Variants in PDE10A observed in about 807,000 individuals in gnomAD.
The protein encoded by PDE10A is cAMP and cAMP-inhibited cGMP 3',5'-cyclic phosphodiesterase 10A.
PDE10A carries 39 observed loss-of-function variants against 97.7 expected under a neutral mutation model. The observed-to-expected ratio is 0.40, with a 90% CI of 0.31 to 0.52. PDE10A has a LOEUF of 0.52. Among genes scored for constraint, PDE10A ranks in the 20% least tolerant of loss-of-function variants. The pLI is 0.56. For missense variants in PDE10A, 731 were observed against 1,047.8 expected (o/e 0.70, Z 4.17); for synonymous variants, 371 against 376.8 (o/e 0.98, Z 0.18).
At chr6:165,837,658 G>GT (rs1455173660) in intron 1 of PDE10A, among the ~76,000 whole-genome samples, 12 of 129,732 alleles carry the variant, frequency 9.2e-5, no homozygotes, top group African/African-American at 3.2e-4. Context: ...TATCTCTCCT[G>GT]GTTTTTTTTT....
At chr6:165,858,905 T>C (rs1220141444) in intron 1 of PDE10A, among the ~76,000 whole-genome samples, 1 of 152,218 alleles carries the variant, frequency 6.6e-6, no homozygotes, top group East Asian at 1.9e-4. Context: ...ATCTTACTTT[T>C]AAATAAAGCA....
intron 11 of PDE10A, among the ~76,000 whole-genome samples, chr6:165,417,770 G>C (rs220745): frequency 0.24 from 36,179 of 152,044 alleles, 4,900 homozygotes; most frequent in African/African-American, 0.36. Context: ...CCCACGGTGA[G>C]GCACACCTTG....
chr6:165,663,938 A>C (rs1217156489), upstream of PDE10A, among the ~76,000 whole-genome samples: 1 of 152,210 alleles, frequency 6.6e-6, no homozygotes, highest in South Asian at 2.1e-4. Context: ...AGGAGCCGCC[A>C]GAAGTTTGGG....
intron 1 of PDE10A, among the ~76,000 whole-genome samples, chr6:165,743,749 G>A (rs535396129): frequency 2.0e-5 from 3 of 152,340 alleles, no homozygotes; most frequent in Non-Finnish European, 1.5e-5. Context: ...AGCTAATGAA[G>A]TGAAGACAGG....
chr6:165,742,980 G>C (rs1232182373), intron 1 of PDE10A, among the ~76,000 whole-genome samples: 1 of 152,202 alleles, frequency 6.6e-6, no homozygotes, highest in Non-Finnish European at 1.5e-5. Context: ...ATAGGAAAAA[G>C]AAAAAGCACT....
chr6:165,878,671 A>G (rs1055823523), intron 1 of PDE10A, among the ~76,000 whole-genome samples: 10 of 152,230 alleles, frequency 6.6e-5, no homozygotes, highest in African/African-American at 2.4e-4. Context: ...GGAGCTTCAC[A>G]GCAGAACAGG....
At chr6:165,688,019 G>A (rs1263044777) in intron 1 of PDE10A, among the ~76,000 whole-genome samples, 1 of 152,174 alleles carries the variant, frequency 6.6e-6, no homozygotes, top group Non-Finnish European at 1.5e-5. Flanking sequence ...ACTCCTACCC[G>A]AGGCCAGCAC....
intron 3 of PDE10A, among the ~76,000 whole-genome samples, chr6:165,470,169 A>T (rs1019788808): frequency 2.6e-5 from 4 of 152,122 alleles, no homozygotes; most frequent in African/African-American, 9.7e-5. Context: ...AAGGGGAACC[A>T]GTGTGTGCAG....
intron 1 of PDE10A, among the ~76,000 whole-genome samples, chr6:165,618,095 C>G (rs899851570): frequency 1.3e-5 from 2 of 152,046 alleles, no homozygotes; most frequent in Admixed American, 6.5e-5. Context: ...GCTTCTCTGA[C>G]AGCAAAAATA....
chr6:165,618,615 C>T (rs986804687), intron 1 of PDE10A, among the ~76,000 whole-genome samples: 1 of 152,028 alleles, frequency 6.6e-6, no homozygotes, highest in Admixed American at 6.5e-5. Flanking sequence ...TCAGGGCCCC[C>T]CAGAAAAAAA....
intron 1 of PDE10A, among the ~76,000 whole-genome samples, chr6:165,849,197 T>C (rs1246923362): frequency 6.6e-6 from 1 of 151,528 alleles, no homozygotes; most frequent in Admixed American, 6.6e-5. Flanking sequence ...TTTTTACTGT[T>C]GTAATGACAC....
At chr6:165,864,073 C>G (rs1282825047) in intron 1 of PDE10A, among the ~76,000 whole-genome samples, 1 of 152,118 alleles carries the variant, frequency 6.6e-6, no homozygotes, top group Non-Finnish European at 1.5e-5. Flanking sequence ...GCCCAAGGAC[C>G]CTGCTTGTCA....
intron 1 of PDE10A, among the ~76,000 whole-genome samples, chr6:165,715,087 C>T (rs969807052): frequency 2.6e-5 from 4 of 152,214 alleles, no homozygotes; most frequent in East Asian, 1.9e-4. Flanking sequence ...CCTGCAGGGA[C>T]GGCCGCCCGA....
intron 1 of PDE10A, among the ~76,000 whole-genome samples, chr6:165,607,281 T>C (rs1358858725): frequency 1.3e-5 from 2 of 152,240 alleles, no homozygotes; most frequent in Non-Finnish European, 2.9e-5. Flanking sequence ...TAATGATGTT[T>C]TGGTCAACAA....
chr6:165,428,775 A>C, intron 9 of PDE10A, 66 bp from the exon 10 acceptor site: 1 of 612,624 alleles, frequency 1.6e-6, no homozygotes, highest in Admixed American at 3.4e-5. Context: ...TACACTTTGA[A>C]TTCATTTCCT....
intron 1 of PDE10A, among the ~76,000 whole-genome samples, chr6:165,927,779 C>A (rs1181615504): frequency 6.7e-6 from 1 of 149,358 alleles, no homozygotes; most frequent in Admixed American, 6.7e-5. Context: ...TCACTGTAAC[C>A]TCCACCTCTT....
intron 2 of PDE10A, among the ~76,000 whole-genome samples, chr6:165,485,173 C>A (rs761231556): frequency 1.3e-5 from 2 of 152,176 alleles, no homozygotes; most frequent in Non-Finnish European, 2.9e-5. Context: ...AAGCACCCTG[C>A]ATTAAAAGAC....
intron 1 of PDE10A, among the ~76,000 whole-genome samples, chr6:165,721,437 G>GTTT (rs1241074430): frequency 6.6e-6 from 1 of 152,152 alleles, no homozygotes; most frequent in Non-Finnish European, 1.5e-5. Context: ...TATGAATAAA[G>GTTT]ACCCAAGAGA....
At chr6:165,892,853 T>A (rs1040515569) in intron 1 of PDE10A, among the ~76,000 whole-genome samples, 3 of 152,196 alleles carry the variant, frequency 2.0e-5, no homozygotes, top group African/African-American at 7.2e-5. Context: ...AGGCTGACCA[T>A]GAACTTGAGA....
Sources: gnomAD v4.1 joint callset for allele counts (sites outside exome capture counted in the v4.1 genomes callset) on GRCh38, gnomAD v4.1.1 for gene constraint, MANE v1.5 for transcripts, NCBI Gene and HGNC (gene_info 2026-07-23, HGNC 2026-07-21) for gene names.